Variants in VWC2 observed in about 807,000 individuals in gnomAD.
VWC2 encodes the protein von Willebrand factor C domain containing 2, also known as brorin.
A neutral mutation model predicts 29.8 loss-of-function variants in VWC2; 14 were observed. The observed-to-expected ratio is 0.47, with a 90% CI of 0.31 to 0.74. VWC2 has a LOEUF of 0.74. Among genes scored for constraint, VWC2 ranks in the 30% least tolerant of loss-of-function variants. The probability of loss-of-function intolerance (pLI) is 0.05; values close to 1 mark genes in which losing one functional copy is unlikely to be tolerated. For synonymous variants in VWC2, 213 were observed against 199.0 expected, an observed-to-expected ratio of 1.07 and a Z score of -0.59; for missense variants, 457 against 459.8, an observed-to-expected ratio of 0.99 and a Z score of 0.05.
rs1409410782 is a variant in VWC2 at position 49,917,306 on chromosome 7, A to G, written c.*5121A>G. ...CACCTGCTATTCTAGCCTTAACACA[A>G]AGATTTGGCTAATTTTTAAATGAAC... On this transcript the variant is annotated 3_prime_UTR_variant, in exon 4 of 4. Transcript: ENST00000340652. The G allele has an allele frequency of 6.6e-6, 1 of 152,190 alleles. No individual in the cohort carries two copies. The highest frequency in any genetic ancestry group is 2.4e-5 in the African/African-American group (1 of 41,458). The allele number at this position is 152,190 out of a possible 1,614,324, so 9.4% of individuals were successfully genotyped here.
At chr7:49,781,204 C>T (rs1448835146) in intron 2 of VWC2, among the ~76,000 whole-genome samples, 2 of 152,076 alleles carry the variant, frequency 1.3e-5, no homozygotes, top group East Asian at 3.8e-4. Context: ...AAATTCTCTA[C>T]TTCTCATTTT....
At position 49,918,878 on chromosome 7, in the gene VWC2, GT is replaced by G. The variant is rs1793863949; in HGVS notation, c.*6694del. 2 of 152,098 alleles carry G rather than the reference GT, an allele frequency of 1.3e-5. No individual in the cohort carries two copies. Among genetic ancestry groups the G allele is most frequent in the South Asian group, 4.2e-4 (2 of 4,814 alleles). 9.4% of individuals were successfully genotyped at this position (152,098 alleles called of 1,614,324 possible). On this transcript the variant is annotated 3_prime_UTR_variant, in exon 4 of 4. Coordinates refer to ENST00000340652, the MANE Select transcript of VWC2 (RefSeq NM_198570.5). The stretch of plus-strand genomic sequence containing the variant: ...AGTTTGAGGCCAACCTGACCAACAT[GT>G]GAAACCCCATCTCTACTAAAAATAC...
chr7:49,785,501 G>C (rs1263517228), intron 2 of VWC2, among the ~76,000 whole-genome samples: 1 of 152,152 alleles, frequency 6.6e-6, no homozygotes, highest in Non-Finnish European at 1.5e-5. Flanking sequence ...AGACTTTCTA[G>C]TTGAAAGACA....
intron 3 of VWC2, among the ~76,000 whole-genome samples, chr7:49,848,967 T>A (rs188168557): frequency 6.6e-6 from 1 of 152,372 alleles, no homozygotes; most frequent in Admixed American, 6.5e-5. Flanking sequence ...TTATCTAAAC[T>A]GTGGAAAATG....
At chr7:49,856,612 T>C (rs1790426626) in intron 3 of VWC2, among the ~76,000 whole-genome samples, 1 of 152,182 alleles carries the variant, frequency 6.6e-6, no homozygotes, top group African/African-American at 2.4e-5. Context: ...GTGTTTACAA[T>C]TTGGTGAGTT....
At chr7:49,893,945 A>G (rs1012373741) in intron 3 of VWC2, among the ~76,000 whole-genome samples, 7 of 152,228 alleles carry the variant, frequency 4.6e-5, no homozygotes, top group East Asian at 1.9e-4. Context: ...CGTTGCCACA[A>G]GCAGATGCTG....
chr7:49,804,883 A>G (rs116605861), intron 3 of VWC2, among the ~76,000 whole-genome samples: 3,711 of 152,232 alleles, frequency 0.024, 165 homozygotes, highest in African/African-American at 0.083. Flanking sequence ...CACAAATTCT[A>G]TTGAGACTAC....
At chr7:49,851,987 T>A (rs1666866011) in intron 3 of VWC2, among the ~76,000 whole-genome samples, 1 of 152,206 alleles carries the variant, frequency 6.6e-6, no homozygotes, top group African/African-American at 2.4e-5. Flanking sequence ...GAAGATGGCA[T>A]CCTCATCCCC....
chr7:49,902,109 T>C (rs1532989), intron 3 of VWC2, among the ~76,000 whole-genome samples: 111,732 of 151,700 alleles, frequency 0.74, 41,359 homozygotes, highest in East Asian at 0.89. Context: ...GGAGAAAGTC[T>C]AGATAGCTTT....
At chr7:49,843,758 G>A (rs1166163798) in intron 3 of VWC2, among the ~76,000 whole-genome samples, 1 of 152,210 alleles carries the variant, frequency 6.6e-6, no homozygotes, top group African/African-American at 2.4e-5. Context: ...GATTTGAAAT[G>A]TTGCCCCCAG....
intron 3 of VWC2, among the ~76,000 whole-genome samples, chr7:49,808,450 C>T (rs953082049): frequency 6.6e-6 from 1 of 151,966 alleles, no homozygotes; most frequent in African/African-American, 2.4e-5. Context: ...TTCTGATAAA[C>T]CATTAAATAA....
At chr7:49,864,529 C>T (rs1375600825) in intron 3 of VWC2, among the ~76,000 whole-genome samples, 1 of 152,192 alleles carries the variant, frequency 6.6e-6, no homozygotes, top group Non-Finnish European at 1.5e-5. Context: ...CTCCCTCACT[C>T]TAGTAGGCCT....
chr7:49,829,312 C>T (rs565206333), intron 3 of VWC2, among the ~76,000 whole-genome samples: 1 of 152,320 alleles, frequency 6.6e-6, no homozygotes, highest in South Asian at 2.1e-4. Flanking sequence ...GACCAGCTTT[C>T]TGAACTCTTA....
At chr7:49,825,537 T>C (rs180784464) in intron 3 of VWC2, among the ~76,000 whole-genome samples, 60 of 152,308 alleles carry the variant, frequency 3.9e-4, no homozygotes, top group Admixed American at 2.5e-3. Flanking sequence ...TGCTTCTAAA[T>C]TGGCCTGGAC....
chr7:49,811,197 A>G (rs930781432), intron 3 of VWC2, among the ~76,000 whole-genome samples: 3 of 152,200 alleles, frequency 2.0e-5, no homozygotes, highest in Admixed American at 6.5e-5. Flanking sequence ...TGGGCAAAGG[A>G]TTGAAAGACA....
intron 3 of VWC2, among the ~76,000 whole-genome samples, chr7:49,810,662 G>A (rs1395786344): frequency 6.6e-6 from 1 of 152,028 alleles, no homozygotes; most frequent in Non-Finnish European, 1.5e-5. Context: ...CCATGGTATT[G>A]GTGCAAAGAT....
Position 49,780,001 on chromosome 7 carries a change from G to A in VWC2, c.696+3870G>A, listed in dbSNP as rs185301672. On this transcript the variant is annotated intron_variant, in intron 2 of 3. Coordinates refer to ENST00000340652, the MANE Select transcript of VWC2 (RefSeq NM_198570.5). The stretch of plus-strand genomic sequence containing the variant: ...GACAGTCATATTCTTAGCTACTGGC[G>A]TGAGGACTTCAAAATTTGAATTGTA... Among the ~76,000 whole-genome samples, 15 of 152,294 alleles carry A rather than the reference G, an allele frequency of 9.8e-5. No homozygotes were observed. The East Asian group carries it at 2.3e-3, about 23-fold the overall frequency.
intron 3 of VWC2, among the ~76,000 whole-genome samples, chr7:49,886,253 G>C (rs1046267732): frequency 6.6e-6 from 1 of 152,174 alleles, no homozygotes; most frequent in African/African-American, 2.4e-5. Context: ...GTGTGGCTTT[G>C]AATCACTTTT....
rs1299097030 is a variant in VWC2 at position 49,812,249 on chromosome 7, A to C, written c.826+9409A>C. 3.9e-5 allele frequency among the ~76,000 whole-genome samples: 6 copies of C among 152,226 alleles called. No homozygotes were observed. The East Asian group carries it at 1.2e-3, about 29-fold the overall frequency. On this transcript the variant is annotated intron_variant, in intron 3 of 3. Coordinates refer to ENST00000340652, the MANE Select transcript of VWC2 (RefSeq NM_198570.5). ...TGTTAGGTGGATACACAATTAATTA[A>C]ATTCACTAAAATTCATTAAATTGTA...
Sources: allele counts gnomAD v4.1 joint callset (sites outside exome capture counted in the v4.1 genomes callset), GRCh38; gene constraint gnomAD v4.1.1; transcripts MANE v1.5; gene names NCBI Gene and HGNC (gene_info 2026-07-23, HGNC 2026-07-21).